Variants in KIF13A observed in about 807,000 individuals in gnomAD.
KIF13A encodes kinesin family member 13A, also known as kinesin-like protein KIF13A.
KIF13A carries 79 observed loss-of-function variants against 212.2 expected under a neutral mutation model. The observed-to-expected ratio is 0.37, with a 90% CI of 0.31 to 0.45. The LOEUF is 0.45. KIF13A is among the 20% of genes least tolerant of loss of function. The probability of loss-of-function intolerance (pLI) is 1.00; values close to 1 mark genes in which losing one functional copy is unlikely to be tolerated. For missense variants in KIF13A, 1,901 were observed against 2,209.0 expected, an observed-to-expected ratio of 0.86 and a Z score of 2.79; for synonymous variants, 789 against 808.6, an observed-to-expected ratio of 0.98 and a Z score of 0.41.
At position 17,837,591 on chromosome 6, in the gene KIF13A, G is replaced by GA. The variant is rs1766084940; in HGVS notation, c.831-9dup. On this transcript the variant is annotated splice_polypyrimidine_tract_variant and intron_variant, in intron 9 of 38. Coordinates refer to ENST00000259711, the MANE Select transcript of KIF13A (RefSeq NM_022113.6). The surrounding 1 kb of genome is among the most constrained non-coding windows in gnomAD (Gnocchi z 5.4). ...CCCAAGGTTGTAAGCGATCTGTCAA[G>GA]AAAAAATGAAAAATTAGTTTTATGG... 2 of 1,530,746 alleles carry GA rather than the reference G, an allele frequency of 1.3e-6. No homozygotes were observed. Among genetic ancestry groups the GA allele is most frequent in the South Asian group, 1.2e-5 (1 of 84,534 alleles). 94.8% of individuals were successfully genotyped at this position (1,530,746 alleles called of 1,614,324 possible).
intron 17 of KIF13A, chr6:17,815,723 ATAATC>A (rs1431191978): frequency 1.8e-5 from 5 of 280,014 alleles, no homozygotes; most frequent in Non-Finnish European, 3.8e-5. Context: ...AATCATATCT[ATAATC>A]TATTTCTAGT....
chr6:17,983,320 A>G (rs1052071863), intron 2 of KIF13A, among the ~76,000 whole-genome samples: 1 of 152,162 alleles, frequency 6.6e-6, no homozygotes, highest in Non-Finnish European at 1.5e-5. Flanking sequence ...CCATTTTCCG[A>G]GAGGTGAAGA....
rs772049995 is a variant in KIF13A at position 17,787,870 on chromosome 6, T to G, written c.3267A>C (p.Glu1089Asp). The change falls in exon 27 of 39, where the codon GAA becomes GAC. Residue 1089 changes from glutamate to aspartate, a missense_variant. By Grantham distance (45) the Glu-to-Asp change is conservative. Around this residue, in one of 5 missense-constraint regions of KIF13A, gnomAD observed 168 missense variants for 250.9 expected, o/e 0.67. Transcript: ENST00000259711. The surrounding 1 kb of genome is among the most constrained non-coding windows in gnomAD (Gnocchi z 4.6). ...ACCTCTCCCTTACGCAGTTTAAGTC[T>G]TCTTCCTAACATCAGGGAGGGAAAA... is the stretch of plus-strand genomic sequence containing the variant. ...DGDDMDSYQE[E>D]DLNCVRERWS... is the part of the protein sequence containing the mutation. 4 of 1,595,164 alleles carry G rather than the reference T, an allele frequency of 2.5e-6. No individual in the cohort carries two copies. The highest frequency in any genetic ancestry group is 1.1e-5 in the South Asian group (1 of 90,658).
At chr6:17,779,266 T>A (rs1357181084) in intron 32 of KIF13A, among the ~76,000 whole-genome samples, 167 bp from the exon 33 acceptor site, 133 of 12,236 alleles carry the variant, frequency 0.011, no homozygotes, top group East Asian at 0.11. Flanking sequence ...TATTTTTTTT[T>A]TTTTTTTTTT....
intron 38 of KIF13A, chr6:17,770,769 G>T: frequency 1.0e-6 from 1 of 992,534 alleles, no homozygotes; most frequent in Non-Finnish European, 1.2e-6. Context: ...ACTTCCTCTA[G>T]GTAGATTAAC....
At chr6:17,876,809 G>GT (rs1770603826) in intron 3 of KIF13A, among the ~76,000 whole-genome samples, 2 of 151,912 alleles carry the variant, frequency 1.3e-5, no homozygotes, top group South Asian at 2.1e-4. Context: ...TAATTTTTGT[G>GT]TTTTTTGTAG....
At chr6:17,896,746 G>A (rs991538077) in intron 3 of KIF13A, among the ~76,000 whole-genome samples, 1 of 152,186 alleles carries the variant, frequency 6.6e-6, no homozygotes, top group Non-Finnish European at 1.5e-5. Context: ...AAGCAATAGT[G>A]GTTTTTAAAA....
At chr6:17,778,447 G>T (rs1430431475) in intron 33 of KIF13A, among the ~76,000 whole-genome samples, 2 of 152,006 alleles carry the variant, frequency 1.3e-5, no homozygotes, top group Non-Finnish European at 2.9e-5. Flanking sequence ...TCTTATAGTT[G>T]CATTACTTAG....
chr6:17,772,044 G>A lies in KIF13A; in HGVS notation c.4340C>T (p.Thr1447Ile), dbSNP rs367994814. 3 of 1,613,896 alleles carry A rather than the reference G, an allele frequency of 1.9e-6. No individual in the cohort carries two copies. The highest frequency in any genetic ancestry group is 4.5e-5 in the East Asian group (2 of 44,886). The change falls in exon 37 of 39, where the codon ACT (threonine) becomes ATT (isoleucine). Residue 1447 changes from threonine (T) to isoleucine (I), a missense_variant. Thr to Ile is a moderately conservative substitution (Grantham distance 89). This residue lies in a region of KIF13A where 687 missense variants were observed against 759.1 expected (regional missense o/e 0.90). Transcript: ENST00000259711. This position sits in a 1 kb window ranked among gnomAD's most constrained non-coding sequence, Gnocchi z 4.8. Reference protein sequence around the residue: ...RRNKEGCTSETPHALTVSPFK... With the variant: ...RRNKEGCTSEIPHALTVSPFK... The stretch of plus-strand genomic sequence containing the variant: ...AGGGCTGACGGTTAAGGCATGAGGA[G>A]TCTCTGATGTACAACCTAGGGAAGA...
chr6:17,979,268 A>T (rs1780849932), intron 2 of KIF13A, among the ~76,000 whole-genome samples: 2 of 152,182 alleles, frequency 1.3e-5, no homozygotes, highest in Admixed American at 1.3e-4. Context: ...ACTCCAGCCT[A>T]GGCGACAGAA....
chr6:17,970,468 C>A (rs1779720492), intron 2 of KIF13A, among the ~76,000 whole-genome samples: 1 of 151,942 alleles, frequency 6.6e-6, no homozygotes, highest in Non-Finnish European at 1.5e-5. Context: ...ATATATATAT[C>A]AGGATGCTGA....
intron 4 of KIF13A, among the ~76,000 whole-genome samples, chr6:17,870,604 C>A (rs962293812): frequency 6.6e-6 from 1 of 152,144 alleles, no homozygotes; most frequent in Non-Finnish European, 1.5e-5. Context: ...ATTTTAACCA[C>A]CTCACTCCAA....
At chr6:17,970,818 C>T (rs1779750001) in intron 2 of KIF13A, among the ~76,000 whole-genome samples, 1 of 152,174 alleles carries the variant, frequency 6.6e-6, no homozygotes, top group South Asian at 2.1e-4. Context: ...AGCAGTTTGT[C>T]TCCAAAGAGC....
At chr6:17,985,640 TG>T (rs1457148104) in intron 2 of KIF13A, among the ~76,000 whole-genome samples, 2 of 40,888 alleles carry the variant, frequency 4.9e-5, no homozygotes, top group African/African-American at 2.5e-4. Flanking sequence ...TGCGGGGGGG[TG>T]GGGGGAGGGG....
In KIF13A at chr6:17,789,973, ATAAT is replaced by A; in HGVS notation, c.3223-67_3223-64del. 1 of 1,302,468 alleles carries A rather than the reference ATAAT, an allele frequency of 7.7e-7. No individual in the cohort carries two copies. The highest frequency in any genetic ancestry group is 1.8e-5 in the Admixed American group (1 of 56,292). The allele number at this position is 1,302,468 out of a possible 1,614,324, so 80.7% of individuals were successfully genotyped here. On this transcript the variant is annotated intron_variant, in intron 25 of 38. Coordinates refer to ENST00000259711, the MANE Select transcript of KIF13A (RefSeq NM_022113.6). This position sits in a 1 kb window ranked among gnomAD's most constrained non-coding sequence, Gnocchi z 4.8. ...GTTTTTCAAACCACATACAGGGAAA[ATAAT>A]TATTTAAGCTTAACACACATTAAAA...
intron 2 of KIF13A, among the ~76,000 whole-genome samples, chr6:17,977,685 T>C (rs1780696724): frequency 6.6e-6 from 1 of 151,950 alleles, no homozygotes; most frequent in South Asian, 2.1e-4. Flanking sequence ...GAATAACTGA[T>C]TTGTTTTTAT....
At chr6:17,760,839 G>T, downstream of KIF13A, 1 of 1,613,526 alleles carries the variant, frequency 6.2e-7, no homozygotes, top group Non-Finnish European at 8.5e-7. Context: ...GTGGCCTGAG[G>T]AGGGGTGCTT....
chr6:17,909,863 G>A lies in KIF13A; in HGVS notation c.147-11683C>T, dbSNP rs141355624. ...TTGCACGACTGCACTCTAGCCTGGC[G>A]ACAGAGTGAGACTCCGTCTCAAAAC... On this transcript the variant is annotated intron_variant, in intron 2 of 38. Transcript: ENST00000259711. Among the ~76,000 whole-genome samples, 1,053 of 152,162 alleles carry A rather than the reference G, an allele frequency of 6.9e-3. 10 individuals carry two copies. Among genetic ancestry groups the A allele is most frequent in the African/African-American group, 0.024 (990 of 41,516 alleles).
At chr6:17,835,164 C>G (rs1765815317) in intron 11 of KIF13A, among the ~76,000 whole-genome samples, 1 of 121,562 alleles carries the variant, frequency 8.2e-6, no homozygotes, top group Non-Finnish European at 1.6e-5. Context: ...CCAGCCCGGG[C>G]AACAGAGAGA....
Sources: gnomAD v4.1 joint callset for allele counts (sites outside exome capture counted in the v4.1 genomes callset) on GRCh38, gnomAD v4.1.1 for gene constraint, gnomAD v4.1.1 regional missense constraint, Gnocchi (gnomAD v3.1) non-coding constraint, MANE v1.5 for transcripts, NCBI Gene and HGNC (gene_info 2026-07-23, HGNC 2026-07-21) for gene names.